The following RYR2 variants were observed in gnomAD, a reference collection of about 807,000 sequenced individuals.
The protein encoded by RYR2 is ryanodine receptor 2.
A neutral mutation model predicts 601.1 loss-of-function variants in RYR2; 227 were observed. That is an observed-to-expected ratio of 0.38 (90% CI 0.34 to 0.42). RYR2 has a LOEUF of 0.42. Among genes scored for constraint, RYR2 ranks in the 10% least tolerant of loss-of-function variants. RYR2 has a pLI of 1.00. For missense variants in RYR2, 4,646 were observed against 6,156.5 expected (o/e 0.75, Z 8.21); for synonymous variants, 2,223 against 2,175.1 (o/e 1.02, Z -0.61).
chr1:237,438,400 G>C (rs1707597445), intron 12 of RYR2, among the ~76,000 whole-genome samples: 1 of 152,124 alleles, frequency 6.6e-6, no homozygotes, highest in Admixed American at 6.5e-5. Flanking sequence ...TATTGGGAAT[G>C]ATATGTAGTA....
At chr1:237,410,886 T>A (rs1159176206) in intron 10 of RYR2, among the ~76,000 whole-genome samples, 1 of 152,208 alleles carries the variant, frequency 6.6e-6, no homozygotes, top group Non-Finnish European at 1.5e-5. Context: ...ATCTATATAA[T>A]GTATGCATTC....
In RYR2 at chr1:237,718,308, T is replaced by G. The variant is rs1460919393; in HGVS notation, c.10495-154T>G. On this transcript the variant is annotated intron_variant, in intron 72 of 104. Transcript: ENST00000366574. ...AGGCTACAGCAGTACCAAGAAATTA[T>G]TTGAATGAGAATGCCCCAAATTTGT... is the stretch of plus-strand genomic sequence containing the variant. Among the ~76,000 whole-genome samples, 5 of 152,196 alleles carry G rather than the reference T, an allele frequency of 3.3e-5. No homozygotes were observed. The East Asian group carries it at 9.6e-4, about 29-fold the overall frequency.
chr1:237,434,167 T>C (rs74147263), intron 12 of RYR2, among the ~76,000 whole-genome samples: 14,596 of 152,236 alleles, frequency 0.096, 960 homozygotes, highest in African/African-American at 0.18. Context: ...GAAGATTTTA[T>C]AAATCATTAA....
intron 2 of RYR2, among the ~76,000 whole-genome samples, chr1:237,274,844 C>G (rs1055029784): frequency 4.6e-5 from 7 of 152,134 alleles, no homozygotes; most frequent in African/African-American, 1.7e-4. Flanking sequence ...CACTGTGTTA[C>G]AGTTGCCTCC....
intron 48 of RYR2, 33 bp from the exon 49 acceptor site, chr1:237,648,411 C>T: frequency 6.4e-7 from 1 of 1,559,750 alleles, no homozygotes; most frequent in Non-Finnish European, 8.7e-7. Flanking sequence ...TATGACACAG[C>T]CATTGACACC....
At chr1:237,755,175 T>C in intron 80 of RYR2, 1 of 1,067,578 alleles carries the variant, frequency 9.4e-7, no homozygotes, top group Non-Finnish European at 1.2e-6. Flanking sequence ...TTTTTTCATT[T>C]GTTTGAGCCC....
chr1:237,419,681 A>G (rs1705367422), intron 11 of RYR2, among the ~76,000 whole-genome samples: 1 of 152,112 alleles, frequency 6.6e-6, no homozygotes, highest in African/African-American at 2.4e-5. Context: ...CTGACCCTTG[A>G]TTAAATTTCA....
At chr1:237,739,138 GATGA>G (rs1418261082) in intron 79 of RYR2, among the ~76,000 whole-genome samples, 2 of 152,178 alleles carry the variant, frequency 1.3e-5, no homozygotes, top group African/African-American at 4.8e-5. Context: ...TCTCTATTAT[GATGA>G]GTACAGCATC....
In RYR2 at chr1:237,577,489, AGTGTGTGTTTCTGTGTGTGTGTGTGT is replaced by A. The variant is rs1375891001; in HGVS notation, c.3598+8179_3598+8204del. Among the ~76,000 whole-genome samples the A allele has an allele frequency of 2.8e-5, 4 of 140,766 alleles. No homozygotes were observed. The East Asian group carries it at 8.4e-4, about 30-fold the overall frequency. 92.3% of individuals were successfully genotyped at this position (140,766 alleles called of 152,430 possible). On this transcript the variant is annotated intron_variant, in intron 29 of 104. Transcript: ENST00000366574. ...AGGATCCTTATAAGAAGGAAGTAGG[AGTGTGTGTTTCTGTGTGTGTGTGTGT>A]GTGTGTGTGTGTGTGTGTGTGCGTG...
intron 1 of RYR2, among the ~76,000 whole-genome samples, chr1:237,234,898 G>A (rs1685399495): frequency 6.6e-6 from 1 of 151,348 alleles, no homozygotes; most frequent in African/African-American, 2.4e-5. Flanking sequence ...TTTTTTTAAT[G>A]CCCAAGAATC....
Position 237,700,162 on chromosome 1 carries a change from C to A in RYR2, c.9129-67C>A, listed in dbSNP as rs537566466. 73 of 1,017,372 alleles carry A rather than the reference C, an allele frequency of 7.2e-5. 1 individual carries two copies. In the South Asian group the frequency reaches 1.1e-3, roughly 15 times the overall value. 63.0% of individuals were successfully genotyped at this position (1,017,372 alleles called of 1,614,324 possible). Reference sequence around the variant, plus strand: ...TGGAGAAATAAACATCATAAGAGAACCACAATTCATTTATATTTCATTTGT... The same window carrying A: ...TGGAGAAATAAACATCATAAGAGAAACACAATTCATTTATATTTCATTTGT... On this transcript the variant is annotated intron_variant, in intron 64 of 104. Coordinates refer to ENST00000366574, the MANE Select transcript of RYR2 (RefSeq NM_001035.3).
intron 1 of RYR2, among the ~76,000 whole-genome samples, chr1:237,151,278 A>G (rs768288866): frequency 7.9e-5 from 12 of 152,148 alleles, no homozygotes; most frequent in Non-Finnish European, 1.6e-4. Context: ...ACTTACTTGA[A>G]ACAGAAACCG....
intron 24 of RYR2, among the ~76,000 whole-genome samples, chr1:237,526,106 A>G (rs1572719826): frequency 6.6e-6 from 1 of 152,164 alleles, no homozygotes; most frequent in Non-Finnish European, 1.5e-5. Context: ...GCTGTTTCCC[A>G]AAGGGGTTGA....
At chr1:237,684,781 A>G (rs1573511666) in intron 62 of RYR2, among the ~76,000 whole-genome samples, 1 of 151,864 alleles carries the variant, frequency 6.6e-6, no homozygotes, top group Admixed American at 6.6e-5. Flanking sequence ...ACATATATAT[A>G]TATATATAAT....
chr1:237,450,642 C>A (rs193274442), intron 14 of RYR2, among the ~76,000 whole-genome samples: 1 of 152,264 alleles, frequency 6.6e-6, no homozygotes, highest in East Asian at 1.9e-4. Flanking sequence ...ATGCTTATTT[C>A]CAGATGAGAT....
intron 62 of RYR2, among the ~76,000 whole-genome samples, chr1:237,684,211 C>T (rs1260251445): frequency 2.0e-5 from 3 of 152,026 alleles, no homozygotes; most frequent in Non-Finnish European, 4.4e-5. Flanking sequence ...GCTGGGATTA[C>T]AAGCATGAAC....
Position 237,048,564 on chromosome 1 carries a change from G to A in RYR2, c.48+5995G>A, listed in dbSNP as rs1032342128. On this transcript the variant is annotated intron_variant, in intron 1 of 104. Transcript: ENST00000366574. ...CTAATTTCTCTACTTGGCCTTTTATGATCTGCCCCTTGATACCTTGCTTAT... is the reference window on the plus strand; with the variant it reads ...CTAATTTCTCTACTTGGCCTTTTATAATCTGCCCCTTGATACCTTGCTTAT... Among the ~76,000 whole-genome samples, 5 of 152,092 alleles carry A rather than the reference G, an allele frequency of 3.3e-5. No individual in the cohort carries two copies. In the East Asian group the frequency reaches 9.7e-4, roughly 29 times the overall value.
At chr1:237,090,102 A>G (rs1666795481) in intron 1 of RYR2, among the ~76,000 whole-genome samples, 1 of 152,110 alleles carries the variant, frequency 6.6e-6, no homozygotes, top group Non-Finnish European at 1.5e-5. Context: ...TCTCTTGAGA[A>G]TTCACTTACT....
intron 10 of RYR2, among the ~76,000 whole-genome samples, chr1:237,391,243 A>T (rs1702356798): frequency 6.6e-6 from 1 of 152,068 alleles, no homozygotes; most frequent in African/African-American, 2.4e-5. Context: ...GCCTTTATTT[A>T]TTTGTTATCA....
Sources: gnomAD v4.1 joint callset for allele counts (sites outside exome capture counted in the v4.1 genomes callset) on GRCh38, gnomAD v4.1.1 for gene constraint, MANE v1.5 for transcripts, NCBI Gene and HGNC (gene_info 2026-07-23, HGNC 2026-07-21) for gene names.